NEK4: variants seen among roughly 807,000 people sequenced by gnomAD.
The protein encoded by NEK4 is serine/threonine-protein kinase Nek4.
A neutral mutation model predicts 98.4 loss-of-function variants in NEK4; 86 were observed. The ratio of observed to expected loss-of-function variants is 0.87; its 90% CI spans 0.73 to 1.05. NEK4 has a LOEUF of 1.05. Among genes scored for constraint, NEK4 ranks in the 50% least tolerant of loss-of-function variants. NEK4 has a pLI of 0.00. For missense variants in NEK4, 898 were observed against 950.3 expected, an observed-to-expected ratio of 0.94 and a Z score of 0.72; for synonymous variants, 328 against 342.2, an observed-to-expected ratio of 0.96 and a Z score of 0.46.
At chr3:52,750,914 G>A (rs2097403856) in intron 7 of NEK4, among the ~76,000 whole-genome samples, 1 of 152,196 alleles carries the variant, frequency 6.6e-6, no homozygotes, top group South Asian at 2.1e-4. Flanking sequence ...CTGAGCAGCA[G>A]AGACCCTGTC....
In NEK4 at chr3:52,739,704, C is replaced by G. The variant is rs558020775; in HGVS notation, c.2094-70G>C. The G allele has an allele frequency of 1.0e-4, 136 of 1,334,476 alleles. No homozygotes were observed. In the African/African-American group the frequency reaches 1.8e-3, roughly 17 times the overall value. 82.7% of individuals were successfully genotyped at this position (1,334,476 alleles called of 1,614,324 possible). On this transcript the variant is annotated intron_variant, in intron 13 of 15. Transcript: ENST00000233027. ...GAATTTTTCATTAAAAAATTACGTG[C>G]AAAACGACCTTTCGGGAATTATCCT...
Position 52,727,253 on chromosome 3 carries a change from C to T in NEK4, c.2433+10333G>A, listed in dbSNP as rs537517188. Among the ~76,000 whole-genome samples the T allele has an allele frequency of 8.1e-4, 124 of 152,198 alleles. 1 individual carries two copies. The highest frequency in any genetic ancestry group is 2.8e-3 in the African/African-American group (116 of 41,528). ...CCTCCCAAAATGCTGGGATTACAGG[C>T]GTGAGCCACTGCGCCTGACCTACAT... On this transcript the variant is annotated intron_variant, in intron 15 of 15. Transcript: ENST00000233027.
intron 12 of NEK4, among the ~76,000 whole-genome samples, chr3:52,742,956 T>A (rs2097389290): frequency 2.0e-5 from 3 of 151,472 alleles, no homozygotes; most frequent in African/African-American, 2.4e-5. Flanking sequence ...TGCCAGGTAA[T>A]TTTTTTTTCT....
intron 15 of NEK4, among the ~76,000 whole-genome samples, chr3:52,730,432 T>G (rs1336581718): frequency 6.6e-6 from 1 of 152,198 alleles, no homozygotes; most frequent in Non-Finnish European, 1.5e-5. Context: ...CTGGTTCATT[T>G]TATGAGGCTG....
chr3:52,752,843 T>C (rs1238507731), intron 6 of NEK4, among the ~76,000 whole-genome samples: 1 of 140,332 alleles, frequency 7.1e-6, no homozygotes, highest in East Asian at 2.1e-4. Context: ...GAGGTTGTAG[T>C]GAGCCGAGAG....
intron 2 of NEK4, 149 bp downstream of exon 2, chr3:52,768,189 A>G (rs1698646483): frequency 1.4e-6 from 1 of 699,902 alleles, no homozygotes; most frequent in Admixed American, 2.4e-5. Context: ...CCAATGCTAC[A>G]GAAAGAGTGA....
In NEK4 at chr3:52,711,743, G is replaced by A. The variant is rs2097350566; in HGVS notation, c.*34C>T. On this transcript the variant is annotated 3_prime_UTR_variant, in exon 16 of 16. Coordinates refer to ENST00000233027, the MANE Select transcript of NEK4 (RefSeq NM_003157.6). ...TTAAGCCAAAATCCTCTAAAAATAGGTCTTTAATTCTGGCAGCAGATTAGG... is the reference window on the plus strand; with the variant it reads ...TTAAGCCAAAATCCTCTAAAAATAGATCTTTAATTCTGGCAGCAGATTAGG... 7 of 1,347,110 alleles carry A rather than the reference G, an allele frequency of 5.2e-6. No homozygotes were observed. Among genetic ancestry groups the A allele is most frequent in the Non-Finnish European group, 7.4e-6 (7 of 940,512 alleles). 83.4% of individuals were successfully genotyped at this position (1,347,110 alleles called of 1,614,324 possible).
intron 15 of NEK4, chr3:52,732,818 T>G: frequency 4.2e-6 from 1 of 238,786 alleles, no homozygotes; most frequent in Non-Finnish European, 9.4e-6. Flanking sequence ...TGGCAGGGAA[T>G]GCATCAAAGG....
At chr3:52,743,225 A>C in intron 12 of NEK4, 127 bp downstream of exon 12, 1 of 693,720 alleles carries the variant, frequency 1.4e-6, no homozygotes, top group Admixed American at 2.3e-5. Flanking sequence ...TTCTTTATCA[A>C]GAGTGAAAAG....
rs561892263 is a variant in NEK4 at position 52,744,581 on chromosome 3, G to A, written c.1828-276C>T. ...TGCCTGTAATCCCAGCTACTCGGGA[G>A]GCTGAGGCAGGAGAATTGCTTGAAC... is the stretch of plus-strand genomic sequence containing the variant. On this transcript the variant is annotated intron_variant, in intron 10 of 15. Transcript: ENST00000233027. 2.6e-5 allele frequency among the ~76,000 whole-genome samples: 4 copies of A among 151,848 alleles called. No individual in the cohort carries two copies. The East Asian group carries it at 7.8e-4, about 30-fold the overall frequency.
Position 52,739,560 on chromosome 3 carries a change from C to G in NEK4, c.2168G>C (p.Ser723Thr), listed in dbSNP as rs1287275608. ...TQTLKLDSKE[S>T]CEDVPVANPV... ...GTTTGCTACCGGGACATCTTCACAG[C>G]TCTCTTTAGAATCCAGTTTCAGGGT... Residue 723 changes from serine to threonine, a missense_variant, in exon 14 of 16, where the codon AGC (serine) becomes ACC (threonine). Coordinates refer to ENST00000233027, the MANE Select transcript of NEK4 (RefSeq NM_003157.6). 1 of 1,614,152 alleles carries G rather than the reference C, an allele frequency of 6.2e-7. No homozygotes were observed. The highest frequency in any genetic ancestry group is 8.5e-7 in the Non-Finnish European group (1 of 1,180,004).
chr3:52,720,215 C>T (rs1256797901), intron 15 of NEK4, among the ~76,000 whole-genome samples: 1 of 151,914 alleles, frequency 6.6e-6, no homozygotes, highest in Non-Finnish European at 1.5e-5. Flanking sequence ...CTACAGACAG[C>T]TAGGACTACA....
chr3:52,733,864 G>A, intron 15 of NEK4: 1 of 313,438 alleles, frequency 3.2e-6, no homozygotes, highest in Non-Finnish European at 6.3e-6. Flanking sequence ...CCTTACAGAT[G>A]CAAAAATGTG....
rs910266414 is a variant in NEK4 at position 52,710,145 on chromosome 3, G to A, written c.*1632C>T. On this transcript the variant is annotated 3_prime_UTR_variant, in exon 16 of 16. Transcript: ENST00000233027. Reference sequence around the variant, plus strand: ...TGGGAGGCCGAGGCGGGCAGATCACGAGGTCAGGAGATTGAGACCATCCTG... The same window carrying A: ...TGGGAGGCCGAGGCGGGCAGATCACAAGGTCAGGAGATTGAGACCATCCTG... 4 of 151,538 alleles carry A rather than the reference G, an allele frequency of 2.6e-5. No individual in the cohort carries two copies. The highest frequency in any genetic ancestry group is 2.1e-4 in the South Asian group (1 of 4,810). 9.4% of individuals were successfully genotyped at this position (151,538 alleles called of 1,614,324 possible). A position where few individuals can be genotyped will look rare whatever the true frequency, so the allele number is the denominator to read the frequency against.
At chr3:52,726,506 G>T (rs142045573) in intron 15 of NEK4, among the ~76,000 whole-genome samples, 2,492 of 151,526 alleles carry the variant, frequency 0.016, 76 homozygotes, top group African/African-American at 0.057. Context: ...GGCTGAGGCA[G>T]GAGAATGCTG....
chr3:52,752,925 T>TACACACACACACACACACACAC (rs1559441326), intron 6 of NEK4, among the ~76,000 whole-genome samples: 4 of 43,170 alleles, frequency 9.3e-5, no homozygotes, highest in African/African-American at 2.8e-4. Context: ...AAAATATATA[T>TACACACACACACACACACACAC]ATATATATAC....
At chr3:52,715,005 C>T (rs2097353847) in intron 15 of NEK4, among the ~76,000 whole-genome samples, 1 of 152,172 alleles carries the variant, frequency 6.6e-6, no homozygotes, top group Admixed American at 6.5e-5. Flanking sequence ...GCACGTGTAC[C>T]GTGGCATGAA....
At chr3:52,713,721 G>A (rs1223056884) in intron 15 of NEK4, among the ~76,000 whole-genome samples, 1 of 150,886 alleles carries the variant, frequency 6.6e-6, no homozygotes, top group Non-Finnish European at 1.5e-5. Context: ...TTGAACCCGC[G>A]AGGCGGAGGT....
chr3:52,725,809 C>T (rs2097363985), intron 15 of NEK4, among the ~76,000 whole-genome samples: 1 of 150,900 alleles, frequency 6.6e-6, no homozygotes, highest in South Asian at 2.1e-4. Flanking sequence ...AGGAAATAAG[C>T]AATTAAAAAA....
Sources: gnomAD v4.1 joint callset for allele counts (sites outside exome capture counted in the v4.1 genomes callset) on GRCh38, gnomAD v4.1.1 for gene constraint, MANE v1.5 for transcripts, NCBI Gene and HGNC (gene_info 2026-07-23, HGNC 2026-07-21) for gene names.